The following POLR1A variants were observed in gnomAD, a reference collection of about 807,000 sequenced individuals.
POLR1A encodes the protein RNA polymerase I subunit A.
Under a neutral mutation model 205.3 loss-of-function variants are expected in POLR1A, and 84 were observed. The ratio of observed to expected loss-of-function variants is 0.41; its 90% CI spans 0.34 to 0.49. The LOEUF is 0.49. Ranked by LOEUF, POLR1A falls within the 20% of genes least tolerant of loss-of-function variation. The pLI, the probability that POLR1A is intolerant of heterozygous loss-of-function variation, is 0.22. For missense variants in POLR1A, 1,645 were observed against 2,204.5 expected, an observed-to-expected ratio of 0.75 and a Z score of 5.08; for synonymous variants, 799 against 863.7, an observed-to-expected ratio of 0.93 and a Z score of 1.31.
At chr2:86,027,761 C>A in intron 33 of POLR1A, 124 bp downstream of exon 33, 3 of 1,148,880 alleles carry the variant, frequency 2.6e-6, no homozygotes, top group Non-Finnish European at 3.8e-6. Context: ...CAGCCGCCCC[C>A]GCTCCCCTCA....
rs200582751 is a variant in POLR1A at position 86,049,169 on chromosome 2, G to A, written c.2466C>T (p.Cys822=). The change falls in exon 17 of 34, where the codon TGC becomes TGT. Residue 822 remains cysteine (C), a synonymous_variant. Transcript: ENST00000263857. ...RQRIIEESTH[C]GPQAVRAALN... is the part of the protein sequence containing the mutation. ...CGAAGTCCCTCCTTACCTGGGGCCC[G>A]CAGTGGGTGGATTCTTCAATGATAC... 1.5e-5 allele frequency: 25 copies of A among 1,613,046 alleles called. No homozygotes were observed. The East Asian group carries it at 4.2e-4, about 27-fold the overall frequency.
At chr2:86,060,575 G>A (rs147420149) in intron 14 of POLR1A, among the ~76,000 whole-genome samples, 158 of 152,328 alleles carry the variant, frequency 1.0e-3, no homozygotes, top group African/African-American at 3.1e-3. Flanking sequence ...AGTACTAGCA[G>A]TAGAGCAGTG....
intron 15 of POLR1A, among the ~76,000 whole-genome samples, chr2:86,053,604 T>C (rs145583353): frequency 5.9e-5 from 9 of 152,302 alleles, no homozygotes; most frequent in African/African-American, 2.2e-4. Flanking sequence ...ATATGGTCTA[T>C]AAAGGAAAAG....
At chr2:86,037,497 C>A (rs760998224) in intron 27 of POLR1A, among the ~76,000 whole-genome samples, 27 of 152,262 alleles carry the variant, frequency 1.8e-4, no homozygotes, top group Non-Finnish European at 2.9e-4. Context: ...GTGTTGCCCA[C>A]GCCTGCCCCC....
At chr2:86,062,351 G>C (rs971319145) in intron 14 of POLR1A, among the ~76,000 whole-genome samples, 1 of 152,104 alleles carries the variant, frequency 6.6e-6, no homozygotes, top group Non-Finnish European at 1.5e-5. Flanking sequence ...AAGGATCCAA[G>C]GTGCAGTCTC....
rs370987903 is a variant in POLR1A at position 86,090,741 on chromosome 2, G to C, written c.433-812C>G. Reference sequence around the variant, plus strand: ...GTGCATTTTCCAATGCAGCAATTTTGAACTTTTTATTCACAAACTCTCAAA... The same window carrying C: ...GTGCATTTTCCAATGCAGCAATTTTCAACTTTTTATTCACAAACTCTCAAA... On this transcript the variant is annotated intron_variant, in intron 3 of 33. Coordinates refer to ENST00000263857, the MANE Select transcript of POLR1A (RefSeq NM_015425.6). 2.5e-4 allele frequency among the ~76,000 whole-genome samples: 38 copies of C among 152,298 alleles called. No individual in the cohort carries two copies. In the East Asian group the frequency reaches 4.6e-3, roughly 19 times the overall value.
At chr2:86,077,402 C>A (rs552395861) in intron 11 of POLR1A, among the ~76,000 whole-genome samples, 47 of 152,334 alleles carry the variant, frequency 3.1e-4, no homozygotes, top group African/African-American at 1.1e-3. Flanking sequence ...TCCCTTTCCT[C>A]TTCCCAGTAA....
At chr2:86,029,803 T>C (rs2104378650) in intron 31 of POLR1A, among the ~76,000 whole-genome samples, 1 of 152,050 alleles carries the variant, frequency 6.6e-6, no homozygotes, top group East Asian at 1.9e-4. Context: ...GGTTTCACCG[T>C]GTTAGCCAGG....
rs1672287798 is a variant in POLR1A, at chr2:86,027,532, G to C, written c.5063-9C>G. 4 of 1,610,580 alleles carry C rather than the reference G, an allele frequency of 2.5e-6. No individual in the cohort carries two copies. Among genetic ancestry groups the C allele is most frequent in the Non-Finnish European group, 3.4e-6 (4 of 1,176,896 alleles). On this transcript the variant is annotated splice_polypyrimidine_tract_variant and intron_variant, in intron 33 of 33. Transcript: ENST00000263857. ...CAGCTCATCGTGGGATCCTGACAGA[G>C]ACACAAAAACATGTGTCAGGGTGTT...
At chr2:86,037,811 G>A (rs982853889) in intron 27 of POLR1A, among the ~76,000 whole-genome samples, 4 of 152,216 alleles carry the variant, frequency 2.6e-5, no homozygotes, top group African/African-American at 4.8e-5. Flanking sequence ...AGAAAAAAAC[G>A]TAGGGGGTGG....
In POLR1A at chr2:86,024,432, A is replaced by C. The variant is rs1157172469; in HGVS notation, c.*2991T>G. 1 of 152,424 alleles carries C rather than the reference A, an allele frequency of 6.6e-6. No homozygotes were observed. The highest frequency in any genetic ancestry group is 2.4e-5 in the African/African-American group (1 of 41,460). The allele number at this position is 152,424 out of a possible 1,614,324, so 9.4% of individuals were successfully genotyped here. ...TATTATTTGGGGGTAGGGCAAAGTG[A>C]AGAGAAAAGAAGGTTCAAGTTCCAG... On this transcript the variant is annotated 3_prime_UTR_variant, in exon 34 of 34. Transcript: ENST00000263857.
At chr2:86,074,830 G>A (rs1046771484) in intron 12 of POLR1A, among the ~76,000 whole-genome samples, 200 bp downstream of exon 12, 3 of 152,156 alleles carry the variant, frequency 2.0e-5, no homozygotes, top group Non-Finnish European at 4.4e-5. Context: ...ACTGCCCTTT[G>A]AGTAGTCCTG....
At position 86,043,168 on chromosome 2, in the gene POLR1A, C is replaced by T. The variant is rs368700016; in HGVS notation, c.3163G>A (p.Glu1055Lys). Residue 1055 changes from glutamate (E) to lysine (K), a missense_variant, in exon 23 of 34, where the codon GAA (glutamate) becomes AAA (lysine). Physicochemically the swap from Glu to Lys is moderately conservative, Grantham distance 56. This residue lies in a region of POLR1A where 201 missense variants were observed against 222.3 expected (regional missense o/e 0.90). Transcript: ENST00000263857. ...TTGGGATCTGCTCTGGATAAAACTT[C>T]ATGGAGATGCTGTGATTTCATTATC... ...EVIMKSQHLH[E>K]VLSRADPKKA... 3.1e-6 allele frequency: 5 copies of T among 1,613,542 alleles called. No homozygotes were observed. Among genetic ancestry groups the T allele is most frequent in the Non-Finnish European group, 4.2e-6 (5 of 1,179,752 alleles).
chr2:86,039,478 G>C lies in POLR1A; in HGVS notation c.3741-16C>G. On this transcript the variant is annotated splice_polypyrimidine_tract_variant and intron_variant, in intron 25 of 33. Coordinates refer to ENST00000263857, the MANE Select transcript of POLR1A (RefSeq NM_015425.6). Reference sequence around the variant, plus strand: ...CTCCCGCAACCTGTCACAGAATAAGGGCACATCCAATCATGAGTGGCAACC... The same window carrying C: ...CTCCCGCAACCTGTCACAGAATAAGCGCACATCCAATCATGAGTGGCAACC... 1.2e-6 allele frequency: 2 copies of C among 1,613,954 alleles called. No individual in the cohort carries two copies. The highest frequency in any genetic ancestry group is 2.2e-5 in the South Asian group (2 of 91,070).
chr2:86,101,447 A>G (rs529465504), intron 1 of POLR1A, among the ~76,000 whole-genome samples: 1 of 152,298 alleles, frequency 6.6e-6, no homozygotes, highest in African/African-American at 2.4e-5. Context: ...GGCGACAGGG[A>G]GGCAGATCTG....
intron 6 of POLR1A, among the ~76,000 whole-genome samples, chr2:86,086,535 T>C (rs1159787651): frequency 6.6e-6 from 1 of 152,226 alleles, no homozygotes; most frequent in African/African-American, 2.4e-5. Flanking sequence ...CATGGTCTGG[T>C]CTGTGTCCTG....
chr2:86,041,898 G>A lies in POLR1A; in HGVS notation c.3563C>T (p.Ser1188Phe), dbSNP rs1304112424. Reference sequence around the variant, plus strand: ...AAATCACTGTCAATACCTGTCGAGAGAAAGCTCTGATTTCTCATAACTCTT... The same window carrying A: ...AAATCACTGTCAATACCTGTCGAGAAAAAGCTCTGATTTCTCATAACTCTT... ...TEKSYEKSEL[S>F]LDRLRTLLQL... The change falls in exon 24 of 34, where the codon TCT becomes TTT. Residue 1188 changes from serine to phenylalanine, a missense_variant. This residue lies in a region of POLR1A where 201 missense variants were observed against 222.3 expected (regional missense o/e 0.90). Transcript: ENST00000263857. 4 of 1,613,480 alleles carry A rather than the reference G, an allele frequency of 2.5e-6. No individual in the cohort carries two copies. The highest frequency in any genetic ancestry group is 3.4e-6 in the Non-Finnish European group (4 of 1,179,508).
intron 2 of POLR1A, among the ~76,000 whole-genome samples, 192 bp downstream of exon 2, chr2:86,099,776 T>C (rs1673779979): frequency 6.6e-6 from 1 of 152,194 alleles, no homozygotes; most frequent in Non-Finnish European, 1.5e-5. Flanking sequence ...CAAACTGATA[T>C]TCATTTATTT....
chr2:86,084,156 C>A (rs889257134), intron 6 of POLR1A, among the ~76,000 whole-genome samples: 6 of 152,194 alleles, frequency 3.9e-5, no homozygotes, highest in Non-Finnish European at 8.8e-5. Context: ...GTCCCACCTA[C>A]TCGGGAGGCT....
Sources: gnomAD v4.1 joint callset for allele counts (sites outside exome capture counted in the v4.1 genomes callset) on GRCh38, gnomAD v4.1.1 for gene constraint, gnomAD v4.1.1 regional missense constraint, MANE v1.5 for transcripts, NCBI Gene and HGNC (gene_info 2026-07-23, HGNC 2026-07-21) for gene names.